EBF1: variants seen among roughly 807,000 people sequenced by gnomAD.
The protein encoded by EBF1 is transcription factor COE1.
Under a neutral mutation model 68.4 loss-of-function variants are expected in EBF1, and 10 were observed. The ratio of observed to expected loss-of-function variants is 0.15; its 90% CI spans 0.09 to 0.25. The LOEUF (loss-of-function observed/expected upper bound fraction) is 0.25. Among genes scored for constraint, EBF1 ranks in the 10% least tolerant of loss-of-function variants. The pLI, the probability that EBF1 is intolerant of heterozygous loss-of-function variation, is 1.00. For missense variants in EBF1, 509 were observed against 794.4 expected, an observed-to-expected ratio of 0.64 and a Z score of 4.32; for synonymous variants, 298 against 299.8, an observed-to-expected ratio of 0.99 and a Z score of 0.06.
chr5:158,804,733 C>T (rs777009116), intron 8 of EBF1, among the ~76,000 whole-genome samples: 3 of 152,116 alleles, frequency 2.0e-5, no homozygotes, highest in Non-Finnish European at 4.4e-5. Flanking sequence ...GGTGTGACTA[C>T]ACTGTTTTCC....
chr5:158,910,242 G>A (rs1055970800), intron 6 of EBF1, among the ~76,000 whole-genome samples: 6 of 152,294 alleles, frequency 3.9e-5, no homozygotes, highest in Admixed American at 3.9e-4. Flanking sequence ...GAAACAGGGT[G>A]GCCACCCACC....
chr5:158,817,284 T>C (rs1159108526), intron 8 of EBF1, among the ~76,000 whole-genome samples: 1 of 152,174 alleles, frequency 6.6e-6, no homozygotes, highest in Non-Finnish European at 1.5e-5. Flanking sequence ...ATGGTTTGAA[T>C]AGATGAATGG....
In EBF1 at chr5:158,762,725, C is replaced by A. The variant is rs531931999; in HGVS notation, c.1036+14688G>T. 5.3e-5 allele frequency among the ~76,000 whole-genome samples: 8 copies of A among 152,054 alleles called. No homozygotes were observed. The South Asian group carries it at 1.5e-3, about 28-fold the overall frequency. On this transcript the variant is annotated intron_variant, in intron 10 of 15. Coordinates refer to ENST00000313708, the MANE Select transcript of EBF1 (RefSeq NM_024007.5). ...TACTTTTTTGTATTTTTAGTAGAGA[C>A]GGGGTTTCACCATGTTAGCCAGGAT...
intron 15 of EBF1, among the ~76,000 whole-genome samples, chr5:158,702,170 A>G (rs1326269673): frequency 6.6e-6 from 1 of 152,212 alleles, no homozygotes; most frequent in Non-Finnish European, 1.5e-5. Context: ...ATACCTCCAA[A>G]GAGGCCCTTT....
At chr5:158,730,521 C>T (rs1284630942) in intron 11 of EBF1, among the ~76,000 whole-genome samples, 2 of 152,170 alleles carry the variant, frequency 1.3e-5, no homozygotes, top group Non-Finnish European at 2.9e-5. Flanking sequence ...TGCCTATTTT[C>T]CCAACCAGGT....
At chr5:159,036,091 T>A (rs960105434) in intron 6 of EBF1, among the ~76,000 whole-genome samples, 1 of 152,164 alleles carries the variant, frequency 6.6e-6, no homozygotes, top group Non-Finnish European at 1.5e-5. Context: ...GGATAAAGTT[T>A]GTGATGCAGG....
intron 10 of EBF1, 89 bp downstream of exon 10, chr5:158,777,324 A>G: frequency 7.5e-7 from 1 of 1,325,186 alleles, no homozygotes; most frequent in Non-Finnish European, 9.8e-7. Flanking sequence ...ATTTTAAAAT[A>G]AAATACATGC....
chr5:158,711,674 CTTTTT>C (rs374478313), intron 14 of EBF1, among the ~76,000 whole-genome samples: 1 of 146,570 alleles, frequency 6.8e-6, no homozygotes, highest in Non-Finnish European at 1.5e-5. Flanking sequence ...TTTTTGTTTG[CTTTTT>C]TTTTTTCTTT....
chr5:158,812,432 G>C (rs772114925), intron 8 of EBF1, among the ~76,000 whole-genome samples: 1 of 152,112 alleles, frequency 6.6e-6, no homozygotes, highest in Non-Finnish European at 1.5e-5. Context: ...TCTCTTGGGG[G>C]TTAAAATTAG....
At chr5:159,028,506 G>C (rs1312672207) in intron 6 of EBF1, among the ~76,000 whole-genome samples, 3 of 152,160 alleles carry the variant, frequency 2.0e-5, no homozygotes, top group African/African-American at 7.2e-5. Flanking sequence ...TGAGCAAGAA[G>C]GATAAGGTAC....
At chr5:158,732,119 G>GT (rs1459102284) in intron 10 of EBF1, among the ~76,000 whole-genome samples, 3 of 152,150 alleles carry the variant, frequency 2.0e-5, no homozygotes, top group African/African-American at 4.8e-5. Flanking sequence ...GTAGGTGGGT[G>GT]TTTTTTTAAA....
chr5:158,741,217 C>CT (rs149347693), intron 10 of EBF1, among the ~76,000 whole-genome samples: 5 of 152,036 alleles, frequency 3.3e-5, no homozygotes, highest in East Asian at 1.9e-4. Context: ...TCACGTGGCA[C>CT]TTTTTTTTGT....
At chr5:158,876,788 C>T (rs1582809237) in intron 6 of EBF1, among the ~76,000 whole-genome samples, 1 of 152,246 alleles carries the variant, frequency 6.6e-6, no homozygotes, top group South Asian at 2.1e-4. Flanking sequence ...GCTTTGATAG[C>T]CCCCTTTCGA....
At chr5:159,091,340 G>T (rs1781599457) in intron 4 of EBF1, among the ~76,000 whole-genome samples, 7 of 152,150 alleles carry the variant, frequency 4.6e-5, no homozygotes, top group Admixed American at 4.6e-4. Flanking sequence ...TTTCCACTGT[G>T]ATGAGTTTAC....
intron 7 of EBF1, among the ~76,000 whole-genome samples, chr5:158,827,432 C>G (rs12652435): frequency 0.75 from 113,431 of 152,088 alleles, 42,538 homozygotes; most frequent in South Asian, 0.88. Context: ...ATCTTAGCCT[C>G]TTACATTTGA....
intron 9 of EBF1, among the ~76,000 whole-genome samples, chr5:158,789,364 T>C (rs972886205): frequency 6.6e-6 from 1 of 152,206 alleles, no homozygotes; most frequent in African/African-American, 2.4e-5. Context: ...AAAGAGGTAA[T>C]ATTTGACATA....
chr5:158,902,781 C>G (rs190480148), intron 6 of EBF1, among the ~76,000 whole-genome samples: 27 of 152,082 alleles, frequency 1.8e-4, no homozygotes, highest in Admixed American at 1.4e-3. Flanking sequence ...ATGGGGACAA[C>G]AGATTTCAGC....
intron 10 of EBF1, among the ~76,000 whole-genome samples, chr5:158,756,054 C>T (rs995978398): frequency 4.6e-5 from 7 of 152,074 alleles, no homozygotes; most frequent in Non-Finnish European, 7.4e-5. Context: ...AGCAGCAAAC[C>T]TTACTAAGTT....
chr5:158,948,377 TA>T (rs1028850258), intron 6 of EBF1, among the ~76,000 whole-genome samples: 25 of 146,312 alleles, frequency 1.7e-4, no homozygotes, highest in Admixed American at 3.4e-4. Flanking sequence ...CTGGAATGTT[TA>T]AAAAAAAAAA....
Sources: gnomAD v4.1 joint callset for allele counts (sites outside exome capture counted in the v4.1 genomes callset) on GRCh38, gnomAD v4.1.1 for gene constraint, MANE v1.5 for transcripts, NCBI Gene and HGNC (gene_info 2026-07-23, HGNC 2026-07-21) for gene names.